Variants in PCDHA7 observed in about 807,000 individuals in gnomAD.
PCDHA7 encodes protocadherin alpha 7, also known as protocadherin alpha-7.
PCDHA7 carries 37 observed loss-of-function variants against 57.2 expected under a neutral mutation model. The ratio of observed to expected loss-of-function variants is 0.65; its 90% CI spans 0.50 to 0.85. PCDHA7 has a LOEUF of 0.85. Among genes scored for constraint, PCDHA7 ranks in the 40% least tolerant of loss-of-function variants. The pLI is 0.00. For missense variants in PCDHA7, 1,188 were observed against 1,241.8 expected, an observed-to-expected ratio of 0.96 and a Z score of 0.65; for synonymous variants, 553 against 558.8, an observed-to-expected ratio of 0.99 and a Z score of 0.15.
chr5:140,919,306 A>G (rs1407810868), intron 1 of PCDHA7, among the ~76,000 whole-genome samples: 1 of 152,150 alleles, frequency 6.6e-6, no homozygotes. Context: ...TGTACAATAT[A>G]TGTTTTCCCA....
At position 140,836,368 on chromosome 5, in the gene PCDHA7, C is replaced by G. The variant is rs183521691; in HGVS notation, c.1985C>G (p.Thr662Arg). Residue 662 changes from threonine (T) to arginine (R), a missense_variant, in exon 1 of 4, where the codon ACA becomes AGA. Thr to Arg is a moderately conservative substitution (Grantham distance 71). Coordinates refer to ENST00000525929, the MANE Select transcript of PCDHA7 (RefSeq NM_018910.3). ...KDHGEPSLTA[T>R]ATVLVSLVES... ...CACGGGGAGCCCTCGCTGACAGCCA[C>G]AGCCACCGTGCTGGTGTCGCTGGTG... 2 of 1,613,746 alleles carry G rather than the reference C, an allele frequency of 1.2e-6. No homozygotes were observed. The highest frequency in any genetic ancestry group is 1.3e-5 in the African/African-American group (1 of 74,992).
intron 1 of PCDHA7, chr5:140,841,237 C>A (rs1428420937): frequency 1.4e-5 from 21 of 1,479,664 alleles, no homozygotes; most frequent in Non-Finnish European, 1.9e-5. Context: ...GGAGATGCAG[C>A]GGAATTGGAT....
At chr5:140,852,752 C>A in intron 1 of PCDHA7, 1 of 983,714 alleles carries the variant, frequency 1.0e-6, no homozygotes, top group Non-Finnish European at 1.2e-6. Context: ...TAAACTTGGA[C>A]CCAGGTATCT....
At position 140,835,760 on chromosome 5, in the gene PCDHA7, G is replaced by A. The variant is rs2150244250; in HGVS notation, c.1377G>A (p.Glu459=). Residue 459 remains glutamate, a synonymous_variant, in exon 1 of 4, where the codon GAG becomes GAA. Coordinates refer to ENST00000525929, the MANE Select transcript of PCDHA7 (RefSeq NM_018910.3). ...NDNAPAFAQP[E]YTVFVKENNP... is the part of the protein sequence containing the mutation. ...ACGCCCCGGCGTTCGCGCAGCCCGAGTATACGGTGTTCGTGAAGGAGAACA... is the reference window on the plus strand; with the variant it reads ...ACGCCCCGGCGTTCGCGCAGCCCGAATATACGGTGTTCGTGAAGGAGAACA... 15 of 1,613,420 alleles carry A rather than the reference G, an allele frequency of 9.3e-6. 1 individual carries two copies. The East Asian group carries it at 3.3e-4, about 36-fold the overall frequency.
At chr5:141,000,513 C>G (rs1258002727) in intron 3 of PCDHA7, among the ~76,000 whole-genome samples, 2 of 143,802 alleles carry the variant, frequency 1.4e-5, no homozygotes, top group African/African-American at 5.2e-5. Context: ...CTGCAACCTC[C>G]TTCTCCAGGG....
At chr5:140,907,179 G>A (rs1257591299) in intron 1 of PCDHA7, among the ~76,000 whole-genome samples, 2 of 152,160 alleles carry the variant, frequency 1.3e-5, no homozygotes, top group Non-Finnish European at 2.9e-5. Flanking sequence ...CTGATTCAGA[G>A]CATACACAAC....
intron 1 of PCDHA7, among the ~76,000 whole-genome samples, chr5:140,915,901 G>A (rs1339531688): frequency 1.3e-5 from 2 of 152,250 alleles, no homozygotes; most frequent in East Asian, 1.9e-4. Flanking sequence ...CCTGGCCCTG[G>A]GCAGGCCCAG....
chr5:140,884,804 T>A (rs1223470171), intron 1 of PCDHA7: 1 of 1,210,196 alleles, frequency 8.3e-7, no homozygotes, highest in Non-Finnish European at 1.1e-6. Flanking sequence ...ATTTAACAAC[T>A]CTGCTGTGGA....
intron 1 of PCDHA7, among the ~76,000 whole-genome samples, chr5:140,895,085 C>T (rs144485224): frequency 2.0e-5 from 3 of 152,298 alleles, no homozygotes; most frequent in Non-Finnish European, 4.4e-5. Flanking sequence ...AGTTCCTCCT[C>T]AGTATAGGGG....
intron 1 of PCDHA7, among the ~76,000 whole-genome samples, chr5:140,873,809 C>T (rs1554166897): frequency 6.6e-6 from 1 of 152,138 alleles, no homozygotes; most frequent in Non-Finnish European, 1.5e-5. Context: ...TACAGGCATG[C>T]ACCACCACTC....
chr5:140,869,786 T>C lies in PCDHA7; in HGVS notation c.2355+33048T>C, dbSNP rs1554163459. On this transcript the variant is annotated intron_variant, in intron 1 of 3. Transcript: ENST00000525929. ...CCAGAGCTTACTGGCACCGTTCGGC[T>C]GTTAGTCCAAGTCTTGGATGTCAAC... 1.9e-6 allele frequency: 3 copies of C among 1,612,992 alleles called. No homozygotes were observed. The East Asian group carries it at 6.7e-5, about 36-fold the overall frequency.
At chr5:140,894,141 C>G (rs552932940) in intron 1 of PCDHA7, among the ~76,000 whole-genome samples, 169 of 152,150 alleles carry the variant, frequency 1.1e-3, no homozygotes, top group African/African-American at 3.9e-3. Context: ...AAATAATTCC[C>G]TTCTATGTAA....
intron 1 of PCDHA7, chr5:140,968,472 T>C (rs1554230782): frequency 6.2e-7 from 1 of 1,614,130 alleles, no homozygotes; most frequent in Non-Finnish European, 8.5e-7. Context: ...AACGTATATG[T>C]GGTGGACATG....
In PCDHA7 at chr5:141,010,847, A is replaced by C. The variant is rs2098418553; in HGVS notation, c.*910A>C. 6.5e-6 allele frequency: 1 copy of C among 153,782 alleles called. No homozygotes were observed. Among genetic ancestry groups the C allele is most frequent in the Non-Finnish European group, 1.5e-5 (1 of 68,062 alleles). The allele number at this position is 153,782 out of a possible 1,614,324, so 9.5% of individuals were successfully genotyped here. A position where few individuals can be genotyped will look rare whatever the true frequency, so the allele number is the denominator to read the frequency against. ...TTGTTGTTTCATAGATTTATTTAAA[A>C]AAAGAGAAAGTCTATAGCTATAAAT... On this transcript the variant is annotated 3_prime_UTR_variant, in exon 4 of 4. Transcript: ENST00000525929.
chr5:140,841,362 T>A, intron 1 of PCDHA7: 1 of 1,613,494 alleles, frequency 6.2e-7, no homozygotes, highest in African/African-American at 1.3e-5. Flanking sequence ...TCCTGGCGAC[T>A]ACTACTCTTG....
rs3806841 is a variant in PCDHA7, at chr5:140,855,953, T to C, written c.2355+19215T>C. On this transcript the variant is annotated intron_variant, in intron 1 of 3. Transcript: ENST00000525929. Reference sequence around the variant, plus strand: ...CATTCTGAGATCTCAGCCATTTCGATAAAAAATAGATATAAGAAATAGGAC... The same window carrying C: ...CATTCTGAGATCTCAGCCATTTCGACAAAAAATAGATATAAGAAATAGGAC... 9.7e-5 allele frequency: 134 copies of C among 1,381,096 alleles called. 3 individuals are homozygous for C. In the East Asian group the frequency reaches 3.0e-3, roughly 31 times the overall value. 85.6% of individuals were successfully genotyped at this position (1,381,096 alleles called of 1,614,324 possible).
intron 1 of PCDHA7, chr5:140,869,862 A>G: frequency 3.7e-6 from 6 of 1,610,466 alleles, no homozygotes; most frequent in Non-Finnish European, 5.1e-6. Flanking sequence ...GCCTTATGGA[A>G]AATGCTGCTA....
Position 140,836,037 on chromosome 5 carries a change from C to T in PCDHA7, c.1654C>T (p.Gln552Ter). Reference sequence around the variant, plus strand: ...GCCTCTGGGCAGCAACGTGACGCTGCAGGTGTTCGTGCTGGACGAGAACGA... The same window carrying T: ...GCCTCTGGGCAGCAACGTGACGCTGTAGGTGTTCGTGCTGGACGAGAACGA... ...VPPLGSNVTL[Q>*]VFVLDENDNA... Residue 552 changes from glutamine to a stop codon, truncating the protein, a stop_gained, in exon 1 of 4, where the codon CAG (glutamine) becomes TAG (stop). Transcript: ENST00000525929. LOFTEE classifies it high-confidence loss of function. 1 of 1,613,440 alleles carries T rather than the reference C, an allele frequency of 6.2e-7. No homozygotes were observed. Among genetic ancestry groups the T allele is most frequent in the Non-Finnish European group, 8.5e-7 (1 of 1,179,724 alleles).
At chr5:140,841,688 G>A in intron 1 of PCDHA7, 1 of 1,613,948 alleles carries the variant, frequency 6.2e-7, no homozygotes, top group Non-Finnish European at 8.5e-7. Flanking sequence ...GGACGTGGAG[G>A]TGAAGGATGT....
Sources: allele counts gnomAD v4.1 joint callset (sites outside exome capture counted in the v4.1 genomes callset), GRCh38; gene constraint gnomAD v4.1.1; transcripts MANE v1.5; gene names NCBI Gene and HGNC (gene_info 2026-07-23, HGNC 2026-07-21).